GALE: variants seen among roughly 807,000 people sequenced by gnomAD.
GALE encodes UDP-glucose 4-epimerase.
A neutral mutation model predicts 44.1 loss-of-function variants in GALE; 32 were observed. The observed-to-expected ratio is 0.73, with a 90% CI of 0.55 to 0.97. The LOEUF is 0.97. GALE is among the 50% of genes least tolerant of loss of function. GALE has a pLI of 0.00. For missense variants in GALE, 423 were observed against 455.6 expected (o/e 0.93, Z 0.65); for synonymous variants, 182 against 183.5 (o/e 0.99, Z 0.06).
rs1470701777 is a variant in GALE at position 23,796,977 on chromosome 1, C to T, written c.643-35G>A. Reference sequence around the variant, plus strand: ...GAGATCAGGTCAGTTCGTCCCAGATCCCAGGCACCAGCTTTAACCCCAGGG... The same window carrying T: ...GAGATCAGGTCAGTTCGTCCCAGATTCCAGGCACCAGCTTTAACCCCAGGG... On this transcript the variant is annotated intron_variant, in intron 7 of 11. Transcript: ENST00000617979. This position sits in a 1 kb window ranked among gnomAD's most constrained non-coding sequence, Gnocchi z 5.2. The T allele has an allele frequency of 2.5e-6, 4 of 1,609,978 alleles. No homozygotes were observed. Among genetic ancestry groups the T allele is most frequent in the Non-Finnish European group, 3.4e-6 (4 of 1,177,936 alleles).
Position 23,796,268 on chromosome 1 carries a change from G to A in GALE, c.874-3C>T. 1 of 1,612,932 alleles carries A rather than the reference G, an allele frequency of 6.2e-7. No individual in the cohort carries two copies. Among genetic ancestry groups the A allele is most frequent in the South Asian group, 1.1e-5 (1 of 91,070 alleles). On this transcript the variant is annotated splice_region_variant and splice_polypyrimidine_tract_variant and intron_variant, in intron 10 of 11. Transcript: ENST00000617979. The surrounding 1 kb of genome is among the most constrained non-coding windows in gnomAD (Gnocchi z 5.2). ...CGTGCCACCACCTTGTACGGGATCT[G>A]CAAGACAGGAGGTAGTTGGAGCTTA...
chr1:23,799,519 A>G (rs1442007666), intron 1 of GALE, 83 bp from the exon 2 acceptor site: 2 of 215,942 alleles, frequency 9.3e-6, no homozygotes, highest in East Asian at 2.4e-4. Context: ...AGGCTTGTCC[A>G]ATGCCTCCGC....
Position 23,796,278 on chromosome 1 carries a change from AG to A in GALE, c.874-14del. On this transcript the variant is annotated splice_polypyrimidine_tract_variant and intron_variant, in intron 10 of 11. Transcript: ENST00000617979. The surrounding 1 kb of genome is among the most constrained non-coding windows in gnomAD (Gnocchi z 5.2). ...CCTTGTACGGGATCTGCAAGACAGG[AG>A]GTAGTTGGAGCTTAGCTGAGCCGGC... 6.2e-7 allele frequency: 1 copy of A among 1,610,388 alleles called. No individual in the cohort carries two copies. The highest frequency in any genetic ancestry group is 8.5e-7 in the Non-Finnish European group (1 of 1,176,650).
rs146052241 is a variant in GALE, at chr1:23,796,235, C to G, written c.904G>C (p.Gly302Arg). Residue 302 changes from glycine (G) to arginine (R), a missense_variant, in exon 11 of 12, where the codon GGT becomes CGT. Gly to Arg is a moderately radical substitution (Grantham distance 125). Coordinates refer to ENST00000617979, the MANE Select transcript of GALE (RefSeq NM_001008216.2). This position sits in a 1 kb window ranked among gnomAD's most constrained non-coding sequence, Gnocchi z 5.2. ...TTGGCGTAACAGGCTGCCACATCAC[C>G]TTCCCGCCGTGCCACCACCTTGTAC... is the stretch of plus-strand genomic sequence containing the variant. ...IPYKVVARRE[G>R]DVAACYANPS... 1.5e-5 allele frequency: 25 copies of G among 1,614,166 alleles called. No individual in the cohort carries two copies. Among genetic ancestry groups the G allele is most frequent in the Non-Finnish European group, 2.0e-5 (24 of 1,180,018 alleles).
rs143694860 is a variant in GALE, at chr1:23,796,227, C to T, written c.912G>A (p.Val304=). ...YKVVARREGD[V]AACYANPSLA... ...GGCTGGGGTTGGCGTAACAGGCTGC[C>T]ACATCACCTTCCCGCCGTGCCACCA... The change falls in exon 11 of 12, where the codon GTG becomes GTA. Residue 304 remains valine (V), a synonymous_variant. Transcript: ENST00000617979. The surrounding 1 kb of genome is among the most constrained non-coding windows in gnomAD (Gnocchi z 5.2). 7.5e-4 allele frequency: 1,217 copies of T among 1,614,144 alleles called. 7 individuals are homozygous for T. Among genetic ancestry groups the T allele is most frequent in the African/African-American group, 5.8e-3 (433 of 75,038 alleles).
Position 23,798,246 on chromosome 1 carries a change from G to A in GALE, c.238-16C>T. The A allele has an allele frequency of 6.3e-7, 1 of 1,590,310 alleles. No homozygotes were observed. The highest frequency in any genetic ancestry group is 1.3e-5 in the African/African-American group (1 of 74,502). On this transcript the variant is annotated splice_polypyrimidine_tract_variant and intron_variant, in intron 4 of 11. Coordinates refer to ENST00000617979, the MANE Select transcript of GALE (RefSeq NM_001008216.2). The surrounding 1 kb of genome is among the most constrained non-coding windows in gnomAD (Gnocchi z 4.5). ...TAAAGCTGTACTGCAGGGGTGACAT[G>A]GCCAGAGGTTGCTCTACTGGTTTTA...
Position 23,796,715 on chromosome 1 carries a change from T to G in GALE, c.777A>C (p.Lys259Asn). Reference sequence around the variant, plus strand: ...TTCCTACCCGGCAGCCACACTGTTCTTTCAGCTTCCTTAAGGCTGCAATGT... The same window carrying G: ...TTCCTACCCGGCAGCCACACTGTTCGTTCAGCTTCCTTAAGGCTGCAATGT... ...KGHIAALRKLKEQCGCRIYNL... is the reference protein window; with the variant it reads ...KGHIAALRKLNEQCGCRIYNL... The change falls in exon 9 of 12, where the codon AAA becomes AAC. Residue 259 changes from lysine to asparagine, a missense_variant. By Grantham distance (94) the Lys-to-Asn change is moderately conservative. Transcript: ENST00000617979. This position sits in a 1 kb window ranked among gnomAD's most constrained non-coding sequence, Gnocchi z 5.2. 1 of 1,613,254 alleles carries G rather than the reference T, an allele frequency of 6.2e-7. No individual in the cohort carries two copies. Among genetic ancestry groups the G allele is most frequent in the African/African-American group, 1.3e-5 (1 of 75,024 alleles).
rs925983832 is a variant in GALE at position 23,799,381 on chromosome 1, G to A, written c.-21C>T. The A allele has an allele frequency of 2.6e-5, 9 of 344,374 alleles. No individual in the cohort carries two copies. The highest frequency in any genetic ancestry group is 4.5e-5 in the Non-Finnish European group (8 of 176,690). 21.3% of individuals were successfully genotyped at this position (344,374 alleles called of 1,614,324 possible). On this transcript the variant is annotated 5_prime_UTR_variant, in exon 2 of 12. Coordinates refer to ENST00000617979, the MANE Select transcript of GALE (RefSeq NM_001008216.2). ...TTCCACTTGCCTTGGAGTTGGAAAA[G>A]ATGGAATCTGAGGATCCACACTTCT... is the stretch of plus-strand genomic sequence containing the variant.
chr1:23,798,805 C>A lies in GALE; in HGVS notation c.122-75G>T. 1 of 1,611,458 alleles carries A rather than the reference C, an allele frequency of 6.2e-7. No individual in the cohort carries two copies. Among genetic ancestry groups the A allele is most frequent in the Admixed American group, 1.7e-5 (1 of 60,020 alleles). On this transcript the variant is annotated intron_variant, in intron 3 of 11. Transcript: ENST00000617979. This position sits in a 1 kb window ranked among gnomAD's most constrained non-coding sequence, Gnocchi z 4.5. Reference sequence around the variant, plus strand: ...CCCAGGGACTAGCCAGACACACATTCCCCGCCCGGTGGTGGAGGTGGAACC... The same window carrying A: ...CCCAGGGACTAGCCAGACACACATTACCCGCCCGGTGGTGGAGGTGGAACC...
Position 23,798,525 on chromosome 1 carries a change from T to A in GALE, c.237+90A>T, listed in dbSNP as rs1245021668. 1 of 961,682 alleles carries A rather than the reference T, an allele frequency of 1.0e-6. No homozygotes were observed. The highest frequency in any genetic ancestry group is 2.4e-5 in the East Asian group (1 of 41,426). The allele number at this position is 961,682 out of a possible 1,614,324, so 59.6% of individuals were successfully genotyped here. A position where few individuals can be genotyped will look rare whatever the true frequency, so the allele number is the denominator to read the frequency against. Reference sequence around the variant, plus strand: ...TTCACTGTGTTGAGCAGGCTGGTCTTGAACACCTGGGCTCAAGTGATCTCC... The same window carrying A: ...TTCACTGTGTTGAGCAGGCTGGTCTAGAACACCTGGGCTCAAGTGATCTCC... On this transcript the variant is annotated intron_variant, in intron 4 of 11. Transcript: ENST00000617979. The surrounding 1 kb of genome is among the most constrained non-coding windows in gnomAD (Gnocchi z 4.5).
rs1393705849 is a variant in GALE at position 23,795,991 on chromosome 1, G to A, written c.1005C>T (p.Arg335=). 2 of 1,614,066 alleles carry A rather than the reference G, an allele frequency of 1.2e-6. No individual in the cohort carries two copies. The highest frequency in any genetic ancestry group is 2.2e-5 in the East Asian group (1 of 44,888). The part of the protein sequence containing the change: ...GLDRMCEDLW[R]WQKQNPSGFG... ...AGCCTGAAGGATTCTGCTTCTGCCA[G>A]CGCCAGAGATCCTCACCTGCAACAC... is the stretch of plus-strand genomic sequence containing the variant. Residue 335 remains arginine (R), a synonymous_variant, in exon 12 of 12, where the codon CGC becomes CGT. Transcript: ENST00000617979.
chr1:23,800,194 G>A (rs1639084097), intron 1 of GALE: 1 of 152,370 alleles, frequency 6.6e-6, no homozygotes, highest in Non-Finnish European at 1.5e-5. Context: ...TGGATCGCCA[G>A]GCTCGCAGCC....
In GALE at chr1:23,800,717, C is replaced by G. The variant is rs1638226107; in HGVS notation, c.-82G>C. 1 of 152,244 alleles carries G rather than the reference C, an allele frequency of 6.6e-6. No individual in the cohort carries two copies. Among genetic ancestry groups the G allele is most frequent in the Non-Finnish European group, 1.5e-5 (1 of 68,062 alleles). The allele number at this position is 152,244 out of a possible 1,614,324, so 9.4% of individuals were successfully genotyped here. ...CTTCATTCCGTCTCCCGAACCTGCT[C>G]GGGTTCCCGCGCCCCACGCTTGCTG... On this transcript the variant is annotated 5_prime_UTR_variant, in exon 1 of 12. Coordinates refer to ENST00000617979, the MANE Select transcript of GALE (RefSeq NM_001008216.2).
Position 23,798,237 on chromosome 1 carries a change from G to A in GALE, c.238-7C>T. ...TGACCGCCATAAAGCTGTACTGCAGGGGTGACATGGCCAGAGGTTGCTCTA... is the reference window on the plus strand; with the variant it reads ...TGACCGCCATAAAGCTGTACTGCAGAGGTGACATGGCCAGAGGTTGCTCTA... On this transcript the variant is annotated splice_region_variant and splice_polypyrimidine_tract_variant and intron_variant, in intron 4 of 11. Transcript: ENST00000617979. This position sits in a 1 kb window ranked among gnomAD's most constrained non-coding sequence, Gnocchi z 4.5. The A allele has an allele frequency of 1.2e-6, 2 of 1,606,640 alleles. No individual in the cohort carries two copies. Among genetic ancestry groups the A allele is most frequent in the Non-Finnish European group, 1.7e-6 (2 of 1,173,248 alleles).
At position 23,796,263 on chromosome 1, in the gene GALE, G is replaced by A; in HGVS notation, c.876C>T (p.Ile292=). 1 of 1,613,648 alleles carries A rather than the reference G, an allele frequency of 6.2e-7. No homozygotes were observed. Among genetic ancestry groups the A allele is most frequent in the Non-Finnish European group, 8.5e-7 (1 of 1,179,524 alleles). The part of the protein sequence containing the change: ...QAMEKASGKK[I]PYKVVARREG... ...CCCGCCGTGCCACCACCTTGTACGGGATCTGCAAGACAGGAGGTAGTTGGA... is the reference window on the plus strand; with the variant it reads ...CCCGCCGTGCCACCACCTTGTACGGAATCTGCAAGACAGGAGGTAGTTGGA... The change falls in exon 11 of 12, where the codon ATC becomes ATT. Residue 292 remains isoleucine (I), a splice_region_variant and synonymous_variant. Transcript: ENST00000617979. This position sits in a 1 kb window ranked among gnomAD's most constrained non-coding sequence, Gnocchi z 5.2.
In GALE at chr1:23,798,306, C is replaced by A; in HGVS notation, c.238-76G>T. Reference sequence around the variant, plus strand: ...AATGCCCTCAGCCTGCCTGCCTGCACTCACCTTTTTTTTTTTTTTTGACAG... The same window carrying A: ...AATGCCCTCAGCCTGCCTGCCTGCAATCACCTTTTTTTTTTTTTTTGACAG... On this transcript the variant is annotated intron_variant, in intron 4 of 11. Transcript: ENST00000617979. This position sits in a 1 kb window ranked among gnomAD's most constrained non-coding sequence, Gnocchi z 4.5. 5.0e-6 allele frequency: 5 copies of A among 994,376 alleles called. No individual in the cohort carries two copies. The highest frequency in any genetic ancestry group is 7.7e-6 in the Non-Finnish European group (5 of 648,286). 61.6% of individuals were successfully genotyped at this position (994,376 alleles called of 1,614,324 possible).
rs773663293 is a variant in GALE at position 23,796,155 on chromosome 1, C to CCTGTCCAGCCCTAAGGCTG, written c.965_983dup (p.Arg328SerfsTer10). ...AGGGGTCAGGCCAGCACTCACACAT[C>CCTGTCCAGCCCTAAGGCTG]CTGTCCAGCCCTAAGGCTGCTGTCC... On this transcript the variant is annotated frameshift_variant, in exon 11 of 12. Coordinates refer to ENST00000617979, the MANE Select transcript of GALE (RefSeq NM_001008216.2). LOFTEE classifies it high-confidence loss of function. The surrounding 1 kb of genome is among the most constrained non-coding windows in gnomAD (Gnocchi z 5.2). 1.2e-6 allele frequency: 2 copies of CCTGTCCAGCCCTAAGGCTG among 1,613,384 alleles called. No homozygotes were observed. Among genetic ancestry groups the CCTGTCCAGCCCTAAGGCTG allele is most frequent in the Admixed American group, 3.3e-5 (2 of 60,024 alleles).
rs780856102 is a variant in GALE, at chr1:23,797,157, G to A, written c.529-10C>T. 46 of 1,587,186 alleles carry A rather than the reference G, an allele frequency of 2.9e-5. No homozygotes were observed. Among genetic ancestry groups the A allele is most frequent in the Non-Finnish European group, 3.6e-5 (42 of 1,162,762 alleles). On this transcript the variant is annotated splice_polypyrimidine_tract_variant and intron_variant, in intron 6 of 11. Transcript: ENST00000617979. ...GCACTGCGTTCCAAGTCTGTGGGAT[G>A]TGGGTCAGGTGGTGAGGCCAGAGGC... is the stretch of plus-strand genomic sequence containing the variant.
At chr1:23,799,975 TC>T (rs1430230948) in intron 1 of GALE, 11 of 152,324 alleles carry the variant, frequency 7.2e-5, no homozygotes, top group Admixed American at 7.2e-4. Flanking sequence ...TCTATCCCCT[TC>T]TGGGCTCACG....
Sources: gnomAD v4.1 joint callset for allele counts on GRCh38, gnomAD v4.1.1 for gene constraint, Gnocchi (gnomAD v3.1) non-coding constraint, MANE v1.5 for transcripts, NCBI Gene and HGNC (gene_info 2026-07-23, HGNC 2026-07-21) for gene names.